Variants in CSMD3 observed in about 807,000 individuals in gnomAD.
CSMD3 encodes CUB and sushi domain-containing protein 3.
A neutral mutation model predicts 435.2 loss-of-function variants in CSMD3; 177 were observed. The observed-to-expected ratio is 0.41, with a 90% CI of 0.36 to 0.46. CSMD3 has a LOEUF of 0.46. Among genes scored for constraint, CSMD3 ranks in the 20% least tolerant of loss-of-function variants. The pLI is 0.34. For missense variants in CSMD3, 4,265 were observed against 4,504.6 expected (o/e 0.95, Z 1.52); for synonymous variants, 1,656 against 1,520.5 (o/e 1.09, Z -2.07).
intron 13 of CSMD3, among the ~76,000 whole-genome samples, chr8:112,750,918 T>G (rs1053735362): frequency 2.6e-5 from 4 of 152,070 alleles, no homozygotes; most frequent in African/African-American, 4.8e-5. Context: ...ATTGGAGGTA[T>G]GCAAAATCTG....
At chr8:113,198,276 A>G (rs1406888466) in intron 3 of CSMD3, among the ~76,000 whole-genome samples, 5 of 151,318 alleles carry the variant, frequency 3.3e-5, no homozygotes, top group African/African-American at 9.7e-5. Flanking sequence ...ATTACTTCAT[A>G]TCATAATCAC....
At chr8:112,706,412 T>A (rs1388764658) in intron 13 of CSMD3, among the ~76,000 whole-genome samples, 2 of 151,840 alleles carry the variant, frequency 1.3e-5, no homozygotes, top group Non-Finnish European at 2.9e-5. Context: ...AGAAAAAAAA[T>A]AAACAATTCT....
At position 112,552,606 on chromosome 8, in the gene CSMD3, C is replaced by A. The variant is rs1255909158; in HGVS notation, c.4349G>T (p.Gly1450Val). Reference sequence around the variant, plus strand: ...GAAATTCATTTACCTGACAATATTTCCAGGATCTACCTCAATCATCCACAT... The same window carrying A: ...GAAATTCATTTACCTGACAATATTTACAGGATCTACCTCAATCATCCACAT... ...RCMWMIEVDP[G>V]NIVSLQFLAF... The change falls in exon 26 of 71, where the codon GGA (glycine) becomes GTA (valine). Residue 1450 changes from glycine (G) to valine (V), a missense_variant. Gly to Val is a moderately radical substitution (Grantham distance 109). This residue lies in a region of CSMD3 where 3,255 missense variants were observed against 3,380.2 expected (regional missense o/e 0.96). Coordinates refer to ENST00000297405, the MANE Select transcript of CSMD3 (RefSeq NM_198123.2). 2 of 1,611,890 alleles carry A rather than the reference C, an allele frequency of 1.2e-6. No homozygotes were observed. Among genetic ancestry groups the A allele is most frequent in the African/African-American group, 2.7e-5 (2 of 74,812 alleles).
intron 47 of CSMD3, among the ~76,000 whole-genome samples, chr8:112,315,897 G>T (rs1378615740): frequency 9.9e-5 from 15 of 151,770 alleles, no homozygotes; most frequent in African/African-American, 3.4e-4. Flanking sequence ...ATGTTTATTT[G>T]AATGAGTTGG....
At chr8:113,016,358 G>T (rs975842218) in intron 6 of CSMD3, among the ~76,000 whole-genome samples, 1 of 151,770 alleles carries the variant, frequency 6.6e-6, no homozygotes, top group African/African-American at 2.4e-5. Context: ...CAGGAAGCTA[G>T]CATATAACAT....
intron 5 of CSMD3, among the ~76,000 whole-genome samples, chr8:113,049,664 T>C (rs938020314): frequency 6.6e-6 from 1 of 152,206 alleles, no homozygotes; most frequent in Non-Finnish European, 1.5e-5. Context: ...GCCTTTATGT[T>C]GACATTTTCA....
At chr8:113,135,585 T>C (rs1039810727) in intron 4 of CSMD3, among the ~76,000 whole-genome samples, 1 of 151,918 alleles carries the variant, frequency 6.6e-6, no homozygotes, top group East Asian at 1.9e-4. Context: ...AGTATGTGTG[T>C]TTCTTATCAC....
intron 13 of CSMD3, among the ~76,000 whole-genome samples, chr8:112,757,851 T>G (rs1367572297): frequency 6.6e-6 from 1 of 151,284 alleles, no homozygotes; most frequent in Non-Finnish European, 1.5e-5. Context: ...CCCAAGAGTT[T>G]GAGACCAGTC....
intron 66 of CSMD3, 27 bp from the exon 67 acceptor site, chr8:112,237,375 A>G (rs1270328933): frequency 6.6e-7 from 1 of 1,517,564 alleles, no homozygotes; most frequent in African/African-American, 1.4e-5. Flanking sequence ...TATACCACAC[A>G]TTAATTTTAC....
chr8:113,339,655 T>C (rs1452395901), intron 1 of CSMD3, among the ~76,000 whole-genome samples: 1 of 152,032 alleles, frequency 6.6e-6, no homozygotes, highest in East Asian at 1.9e-4. Flanking sequence ...TCATTGTGTT[T>C]AGATTGTTAT....
chr8:112,769,725 T>G (rs2078065310), intron 13 of CSMD3, among the ~76,000 whole-genome samples: 1 of 152,014 alleles, frequency 6.6e-6, no homozygotes, highest in Non-Finnish European at 1.5e-5. Flanking sequence ...ATCATTTGAT[T>G]TATTGAGAGT....
chr8:112,334,633 T>G (rs922401084), intron 45 of CSMD3, among the ~76,000 whole-genome samples: 19 of 152,212 alleles, frequency 1.2e-4, no homozygotes, highest in Non-Finnish European at 2.6e-4. Flanking sequence ...AATAGCCATT[T>G]TCTTATTAAT....
At chr8:113,124,079 A>T (rs927173038) in intron 4 of CSMD3, among the ~76,000 whole-genome samples, 2 of 151,946 alleles carry the variant, frequency 1.3e-5, no homozygotes, top group African/African-American at 4.8e-5. Flanking sequence ...TTGCATCTGT[A>T]CCAAATACGT....
At chr8:112,691,767 T>A (rs576946255) in intron 13 of CSMD3, among the ~76,000 whole-genome samples, 2 of 152,030 alleles carry the variant, frequency 1.3e-5, no homozygotes, top group African/African-American at 4.8e-5. Context: ...AACCAGTGTT[T>A]GCTGTTGATA....
chr8:112,329,347 C>A (rs115152592), intron 45 of CSMD3, among the ~76,000 whole-genome samples: 2,150 of 152,194 alleles, frequency 0.014, 62 homozygotes, highest in African/African-American at 0.049. Context: ...TTCAAATAAT[C>A]AAAATGACAG....
At chr8:112,816,942 G>T (rs904024021) in intron 12 of CSMD3, among the ~76,000 whole-genome samples, 1 of 151,930 alleles carries the variant, frequency 6.6e-6, no homozygotes, top group Non-Finnish European at 1.5e-5. Context: ...CTGAGAATGA[G>T]ATTTGACATT....
intron 5 of CSMD3, among the ~76,000 whole-genome samples, chr8:113,040,178 A>G (rs898690450): frequency 1.3e-5 from 2 of 152,148 alleles, no homozygotes; most frequent in Non-Finnish European, 2.9e-5. Flanking sequence ...TAGTTATATG[A>G]GATATATCAT....
At chr8:112,544,558 T>C (rs1205885812) in intron 27 of CSMD3, among the ~76,000 whole-genome samples, 1 of 152,240 alleles carries the variant, frequency 6.6e-6, no homozygotes, top group African/African-American at 2.4e-5. Context: ...ATCACTTATC[T>C]AAATAAGTTT....
chr8:112,878,369 A>G (rs1410003052), intron 10 of CSMD3, among the ~76,000 whole-genome samples: 6 of 152,222 alleles, frequency 3.9e-5, no homozygotes. Flanking sequence ...ACAATGATAT[A>G]CCATCTCATG....
Sources: gnomAD v4.1 joint callset for allele counts (sites outside exome capture counted in the v4.1 genomes callset) on GRCh38, gnomAD v4.1.1 for gene constraint, gnomAD v4.1.1 regional missense constraint, MANE v1.5 for transcripts, NCBI Gene and HGNC (gene_info 2026-07-23, HGNC 2026-07-21) for gene names.